The following STPG2 variants were observed in gnomAD, a reference collection of about 807,000 sequenced individuals.
STPG2 encodes sperm-tail PG-rich repeat-containing protein 2.
In STPG2, 56 loss-of-function variants were observed where a neutral mutation model predicts 54.2. The observed-to-expected ratio is 1.03, with a 90% confidence interval of 0.83 to 1.29. The LOEUF (loss-of-function observed/expected upper bound fraction) is 1.29. Among genes scored for constraint, STPG2 ranks in the 50% most tolerant of loss-of-function variants. The pLI is 0.00. For synonymous variants in STPG2, 200 were observed against 181.8 expected, an observed-to-expected ratio of 1.10 and a Z score of -0.81; for missense variants, 596 against 544.9, an observed-to-expected ratio of 1.09 and a Z score of -0.93.
intron 7 of STPG2, among the ~76,000 whole-genome samples, chr4:97,969,338 T>C (rs2149254738): frequency 6.6e-6 from 1 of 152,184 alleles, no homozygotes; most frequent in East Asian, 1.9e-4. Context: ...TGCACAGATG[T>C]TATGTCAAAG....
At chr4:97,773,187 T>C (rs1490059819) in intron 9 of STPG2, among the ~76,000 whole-genome samples, 1 of 152,182 alleles carries the variant, frequency 6.6e-6, no homozygotes, top group Non-Finnish European at 1.5e-5. Flanking sequence ...TTTTCTTTTT[T>C]ATAAAACACA....
At chr4:97,564,252 C>G (rs1185579305) in intron 10 of STPG2, among the ~76,000 whole-genome samples, 2 of 152,144 alleles carry the variant, frequency 1.3e-5, no homozygotes, top group African/African-American at 2.4e-5. Context: ...ACTAGGATTG[C>G]AACCCCTGCC....
At chr4:97,728,053 C>A (rs1278219580) in intron 9 of STPG2, among the ~76,000 whole-genome samples, 2 of 151,954 alleles carry the variant, frequency 1.3e-5, no homozygotes, top group Non-Finnish European at 2.9e-5. Flanking sequence ...TGCATATTAT[C>A]TAATCAGACA....
rs556060154 is a variant in STPG2, at chr4:97,664,173, A to T, written c.1320+48526T>A. ...TGTTTTCTATCCTTTATCTCATTTA[A>T]TCTTCACAAAACCCCAAAAATGTAG... On this transcript the variant is annotated intron_variant, in intron 10 of 10. Coordinates refer to ENST00000295268, the MANE Select transcript of STPG2 (RefSeq NM_174952.3). 8.5e-5 allele frequency among the ~76,000 whole-genome samples: 13 copies of T among 152,294 alleles called. No individual in the cohort carries two copies. In the South Asian group the frequency reaches 2.7e-3, roughly 32 times the overall value.
At chr4:97,828,314 A>G (rs1404285423) in intron 9 of STPG2, among the ~76,000 whole-genome samples, 2 of 152,118 alleles carry the variant, frequency 1.3e-5, no homozygotes, top group Admixed American at 6.5e-5. Flanking sequence ...AACTCAAGGG[A>G]AGCCATGAGG....
At chr4:97,681,774 T>C (rs1431667814) in intron 10 of STPG2, among the ~76,000 whole-genome samples, 1 of 151,768 alleles carries the variant, frequency 6.6e-6, no homozygotes, top group Non-Finnish European at 1.5e-5. Flanking sequence ...ATATTATTCA[T>C]TATTGTCTAT....
At chr4:97,862,971 C>A (rs1176029688) in intron 8 of STPG2, among the ~76,000 whole-genome samples, 1 of 152,124 alleles carries the variant, frequency 6.6e-6, no homozygotes, top group African/African-American at 2.4e-5. Flanking sequence ...ATTTATAGCA[C>A]TAAATGCCCA....
chr4:97,811,060 G>A (rs1300802023), intron 9 of STPG2, among the ~76,000 whole-genome samples: 5 of 151,980 alleles, frequency 3.3e-5, no homozygotes, highest in African/African-American at 1.2e-4. Context: ...TAAGCAGTGG[G>A]GGCCCAATCA....
intron 10 of STPG2, among the ~76,000 whole-genome samples, chr4:97,678,631 T>C (rs760672634): frequency 1.4e-4 from 22 of 152,170 alleles, no homozygotes; most frequent in Non-Finnish European, 2.1e-4. Context: ...TATTTTATTT[T>C]ATTATTATTA....
chr4:97,833,492 C>G (rs1167204826), intron 9 of STPG2, among the ~76,000 whole-genome samples: 1 of 152,008 alleles, frequency 6.6e-6, no homozygotes, highest in Non-Finnish European at 1.5e-5. Context: ...CAACAAAAGC[C>G]AGAATTGACA....
chr4:97,521,137 A>G (rs972790955), intron 4 of STPG2, among the ~76,000 whole-genome samples: 1 of 152,050 alleles, frequency 6.6e-6, no homozygotes, highest in African/African-American at 2.4e-5. Flanking sequence ...CAAAGAATAA[A>G]ACATATCATT....
intron 7 of STPG2, among the ~76,000 whole-genome samples, chr4:97,954,803 C>T (rs567431612): frequency 6.6e-6 from 1 of 152,048 alleles, no homozygotes; most frequent in East Asian, 1.9e-4. Flanking sequence ...GTTTTATATG[C>T]AGTATCTGGC....
intron 8 of STPG2, among the ~76,000 whole-genome samples, chr4:97,936,095 ATTC>A (rs1158867499): frequency 6.6e-6 from 1 of 152,084 alleles, no homozygotes; most frequent in Non-Finnish European, 1.5e-5. Context: ...AGGATAGTTA[ATTC>A]TTCTTATTAA....
intron 5 of STPG2, among the ~76,000 whole-genome samples, chr4:97,996,690 A>T (rs1273834637): frequency 6.6e-6 from 1 of 152,228 alleles, no homozygotes; most frequent in Non-Finnish European, 1.5e-5. Flanking sequence ...ACAAAGATCT[A>T]ATATCCAGAA....
intron 5 of STPG2, among the ~76,000 whole-genome samples, chr4:98,007,678 C>A: frequency 6.6e-6 from 1 of 151,180 alleles, no homozygotes; most frequent in Non-Finnish European, 1.5e-5. Flanking sequence ...TCAATGAGAT[C>A]CAAGAGTAAT....
chr4:97,480,693 C>A (rs1730198341), intron 4 of STPG2, among the ~76,000 whole-genome samples: 2 of 151,112 alleles, frequency 1.3e-5, no homozygotes, highest in African/African-American at 4.8e-5. Flanking sequence ...TGTTAAATAC[C>A]TTTCTATATA....
intron 10 of STPG2, among the ~76,000 whole-genome samples, chr4:97,565,286 A>G (rs1425667682): frequency 6.6e-6 from 1 of 152,144 alleles, no homozygotes; most frequent in East Asian, 1.9e-4. Flanking sequence ...CAGCTCCATC[A>G]GCTCCTTTAA....
intron 8 of STPG2, among the ~76,000 whole-genome samples, chr4:97,871,020 T>C (rs1486581789): frequency 6.6e-6 from 1 of 150,946 alleles, no homozygotes; most frequent in African/African-American, 2.4e-5. Flanking sequence ...AAAATAGCCA[T>C]AAAGACCTTT....
chr4:97,456,458 G>A (rs968758979), intron 4 of STPG2, among the ~76,000 whole-genome samples: 1 of 152,070 alleles, frequency 6.6e-6, no homozygotes, highest in Non-Finnish European at 1.5e-5. Context: ...CTCCCACCAA[G>A]CACCAAGCAC....
Sources: allele counts gnomAD v4.1 joint callset (sites outside exome capture counted in the v4.1 genomes callset), GRCh38; gene constraint gnomAD v4.1.1; transcripts MANE v1.5; gene names NCBI Gene and HGNC (gene_info 2026-07-23, HGNC 2026-07-21).